The following DDX19B variants were observed in gnomAD, a reference collection of about 807,000 sequenced individuals.
DDX19B encodes ATP-dependent RNA helicase DDX19B.
In DDX19B, 27 loss-of-function variants were observed where a neutral mutation model predicts 58.1. The ratio of observed to expected loss-of-function variants is 0.46; its 90% CI spans 0.34 to 0.64. DDX19B has a LOEUF of 0.64. Ranked by LOEUF, DDX19B falls within the 30% of genes least tolerant of loss-of-function variation. The pLI is 0.01. For synonymous variants in DDX19B, 187 were observed against 214.4 expected (o/e 0.87, Z 1.12); for missense variants, 399 against 596.5 (o/e 0.67, Z 3.45).
At chr16:70,330,212 A>T (rs1963413206) in intron 9 of DDX19B, 144 bp downstream of exon 9, 1 of 884,978 alleles carries the variant, frequency 1.1e-6, no homozygotes, top group African/African-American at 1.7e-5. Flanking sequence ...CGTAAGAGGG[A>T]GACTTTGATT....
intron 7 of DDX19B, among the ~76,000 whole-genome samples, chr16:70,326,814 G>C (rs904990481): frequency 1.3e-5 from 2 of 151,654 alleles, no homozygotes; most frequent in Non-Finnish European, 2.9e-5. Context: ...GAGATTATAG[G>C]TGTGAGCCAC....
chr16:70,304,999 C>T (rs57492770), intron 1 of DDX19B, among the ~76,000 whole-genome samples: 13,991 of 151,870 alleles, frequency 0.092, 2,094 homozygotes, highest in African/African-American at 0.32. Context: ...GTGTTTTATC[C>T]ATATATTTCA....
At chr16:70,294,630 C>T (rs1961154526), upstream of DDX19B, 1 of 428,586 alleles carries the variant, frequency 2.3e-6, no homozygotes, top group Non-Finnish European at 4.1e-6. Context: ...TTCCCAGTCT[C>T]ACCAGGAAGC....
upstream of DDX19B, among the ~76,000 whole-genome samples, chr16:70,294,072 ATTTTT>A (rs35683856): frequency 1.6e-4 from 10 of 63,150 alleles, no homozygotes; most frequent in African/African-American, 5.9e-4. Flanking sequence ...GAGAGCCTGA[ATTTTT>A]TTTTTTTTTT....
chr16:70,317,791 T>G, intron 5 of DDX19B: 1 of 350,122 alleles, frequency 2.9e-6, no homozygotes, highest in Non-Finnish European at 5.3e-6. Flanking sequence ...AAAAACGTTA[T>G]AAACTTGGCC....
At chr16:70,320,164 C>T (rs1198367722) in intron 5 of DDX19B, among the ~76,000 whole-genome samples, 2 of 151,562 alleles carry the variant, frequency 1.3e-5, no homozygotes, top group South Asian at 2.1e-4. Flanking sequence ...GGCAGGAGTA[C>T]AGCAGTGTAG....
intron 1 of DDX19B, among the ~76,000 whole-genome samples, chr16:70,300,496 C>T (rs1961437929): frequency 6.6e-6 from 1 of 152,134 alleles, no homozygotes; most frequent in Non-Finnish European, 1.5e-5. Flanking sequence ...GTGTGAGCCA[C>T]TGCATCCAGC....
At chr16:70,314,391 G>A (rs1434051154) in intron 2 of DDX19B, among the ~76,000 whole-genome samples, 1 of 151,992 alleles carries the variant, frequency 6.6e-6, no homozygotes, top group Non-Finnish European at 1.5e-5. Flanking sequence ...GGCCGGGCGC[G>A]GTAGCTCACG....
chr16:70,330,053 C>T lies in DDX19B; in HGVS notation c.1008C>T (p.Ala336=), dbSNP rs753032041. The T allele has an allele frequency of 7.4e-6, 12 of 1,613,856 alleles. No homozygotes were observed. Among genetic ancestry groups the T allele is most frequent in the African/African-American group, 1.3e-5 (1 of 74,906 alleles). The part of the protein sequence containing the change: ...NLYGAITIAQ[A]MIFCHTRKTA... ...ACGGGGCCATCACCATTGCTCAAGC[C>T]ATGATCTTCTGCCATGTGAGTAGCA... The change falls in exon 9 of 12, where the codon GCC becomes GCT. Residue 336 remains alanine (A), a synonymous_variant. Coordinates refer to ENST00000288071, the MANE Select transcript of DDX19B (RefSeq NM_007242.7).
chr16:70,327,924 G>A (rs1329230828), intron 7 of DDX19B, among the ~76,000 whole-genome samples: 2 of 152,116 alleles, frequency 1.3e-5, no homozygotes, highest in Non-Finnish European at 2.9e-5. Context: ...CCTAAGGTGG[G>A]TGGATCATTG....
rs548876346 is a variant in DDX19B, at chr16:70,312,754, C to T, written c.106+97C>T. 27 of 994,384 alleles carry T rather than the reference C, an allele frequency of 2.7e-5. No individual in the cohort carries two copies. In the African/African-American group the frequency reaches 3.4e-4, roughly 13 times the overall value. 61.6% of individuals were successfully genotyped at this position (994,384 alleles called of 1,614,324 possible). A position where few individuals can be genotyped will look rare whatever the true frequency, so the allele number is the denominator to read the frequency against. Reference sequence around the variant, plus strand: ...TCTGGAAAAAAATTTGTATTTGTACCAGGCAGGGCATTGGCAGATACTGGT... The same window carrying T: ...TCTGGAAAAAAATTTGTATTTGTACTAGGCAGGGCATTGGCAGATACTGGT... On this transcript the variant is annotated intron_variant, in intron 2 of 11. Transcript: ENST00000288071.
At chr16:70,297,215 A>G (rs772707173), upstream of DDX19B, among the ~76,000 whole-genome samples, 23 of 133,470 alleles carry the variant, frequency 1.7e-4, no homozygotes, top group Non-Finnish European at 1.1e-4. Flanking sequence ...TGCCCAGTCT[A>G]TTTATTTATT....
At chr16:70,300,872 T>G (rs1318122288) in intron 1 of DDX19B, among the ~76,000 whole-genome samples, 1 of 152,246 alleles carries the variant, frequency 6.6e-6, no homozygotes, top group Non-Finnish European at 1.5e-5. Context: ...AATTCTTAAT[T>G]GCCTTATGTT....
chr16:70,311,202 T>A (rs1003806641), intron 1 of DDX19B, among the ~76,000 whole-genome samples: 3 of 148,934 alleles, frequency 2.0e-5, no homozygotes, highest in African/African-American at 7.5e-5. Flanking sequence ...TGAAACCCCA[T>A]CTCTTAAAAA....
intron 8 of DDX19B, among the ~76,000 whole-genome samples, 179 bp downstream of exon 8, chr16:70,329,648 G>A (rs374526997): frequency 6.6e-6 from 1 of 152,182 alleles, no homozygotes; most frequent in East Asian, 1.9e-4. Flanking sequence ...CCTGGGTTGA[G>A]AAAGGAGACC....
intron 1 of DDX19B, among the ~76,000 whole-genome samples, chr16:70,299,953 T>G (rs1311441621): frequency 2.0e-5 from 3 of 152,168 alleles, no homozygotes; most frequent in Non-Finnish European, 4.4e-5. Context: ...TTTCTGGACC[T>G]GACACATGGT....
intron 9 of DDX19B, 151 bp from the exon 10 acceptor site, chr16:70,331,570 AC>A (rs1963478975): frequency 9.7e-7 from 1 of 1,035,556 alleles, no homozygotes; most frequent in Admixed American, 2.8e-5. Flanking sequence ...GGTGTGTACT[AC>A]CATGCTTCAT....
upstream of DDX19B, among the ~76,000 whole-genome samples, chr16:70,292,148 GTCTC>G (rs1462924948): frequency 6.6e-6 from 1 of 152,016 alleles, no homozygotes; most frequent in African/African-American, 2.4e-5. Context: ...CAAGACCCTT[GTCTC>G]TCTCTCTTTT....
chr16:70,323,449 A>T (rs1962961011), intron 5 of DDX19B, among the ~76,000 whole-genome samples: 1 of 134,192 alleles, frequency 7.5e-6, no homozygotes, highest in Admixed American at 7.9e-5. Flanking sequence ...TTTGACACTG[A>T]GTCTCGCTCT....
Sources: gnomAD v4.1 joint callset for allele counts (sites outside exome capture counted in the v4.1 genomes callset) on GRCh38, gnomAD v4.1.1 for gene constraint, MANE v1.5 for transcripts, NCBI Gene and HGNC (gene_info 2026-07-23, HGNC 2026-07-21) for gene names.